ST8SIA4: variants seen among roughly 807,000 people sequenced by gnomAD.
The protein encoded by ST8SIA4 is ST8 alpha-N-acetyl-neuraminide alpha-2,8-sialyltransferase 4.
In ST8SIA4, 15 loss-of-function variants were observed where a neutral mutation model predicts 33.9. The ratio of observed to expected loss-of-function variants is 0.44; its 90% CI spans 0.30 to 0.68. The LOEUF (loss-of-function observed/expected upper bound fraction) is 0.68, where lower values mean the gene tolerates loss of function less well. Ranked by LOEUF, ST8SIA4 falls within the 30% of genes least tolerant of loss-of-function variation. The probability of loss-of-function intolerance (pLI) is 0.10; values close to 1 mark genes in which losing one functional copy is unlikely to be tolerated. For missense variants in ST8SIA4, 321 were observed against 428.0 expected (o/e 0.75, Z 2.21); for synonymous variants, 171 against 151.2 (o/e 1.13, Z -0.96).
chr5:100,840,982 A>G (rs1380651271), intron 4 of ST8SIA4, among the ~76,000 whole-genome samples: 4 of 151,886 alleles, frequency 2.6e-5, no homozygotes, highest in Non-Finnish European at 5.9e-5. Context: ...TGTCACAGTA[A>G]GACATTCAAA....
intron 1 of ST8SIA4, chr5:100,900,448 T>C (rs1230606031): frequency 6.6e-6 from 3 of 455,210 alleles, no homozygotes; most frequent in Admixed American, 4.7e-5. Flanking sequence ...ATGAGTCAAC[T>C]CCTCCACCAG....
At chr5:100,850,490 G>C (rs1455614453) in intron 4 of ST8SIA4, among the ~76,000 whole-genome samples, 1 of 150,378 alleles carries the variant, frequency 6.6e-6, no homozygotes, top group Non-Finnish European at 1.5e-5. Context: ...TACGATAATT[G>C]AGTTAAATAT....
intron 3 of ST8SIA4, among the ~76,000 whole-genome samples, chr5:100,882,971 G>A (rs551044965): frequency 2.6e-4 from 40 of 152,368 alleles, no homozygotes; most frequent in Admixed American, 2.3e-3. Context: ...GAAGGGAAAT[G>A]TGAGGTTGGA....
intron 2 of ST8SIA4, among the ~76,000 whole-genome samples, chr5:100,888,685 GA>G (rs1752593619): frequency 6.6e-6 from 1 of 151,872 alleles, no homozygotes; most frequent in African/African-American, 2.4e-5. Flanking sequence ...TCCATCAAAA[GA>G]GTAATTCTCT....
intron 4 of ST8SIA4, among the ~76,000 whole-genome samples, chr5:100,853,985 A>ATGTGTGTGTGTG (rs55821438): frequency 0.22 from 16,911 of 76,574 alleles, 1,345 homozygotes; most frequent in Non-Finnish European, 0.32. Flanking sequence ...GTGTGTGTGT[A>ATGTGTGTGTGTG]TGTGTGTGTG....
At chr5:100,822,096 C>G (rs997877812) in intron 4 of ST8SIA4, among the ~76,000 whole-genome samples, 2 of 152,158 alleles carry the variant, frequency 1.3e-5, no homozygotes, top group Admixed American at 1.3e-4. Context: ...CAACTTTTAG[C>G]CCTGAAACTT....
At chr5:100,893,942 TA>T (rs1752728907) in intron 2 of ST8SIA4, among the ~76,000 whole-genome samples, 1 of 152,134 alleles carries the variant, frequency 6.6e-6, no homozygotes, top group African/African-American at 2.4e-5. Flanking sequence ...CTTTCCAATA[TA>T]CCTTCAAGAA....
intron 4 of ST8SIA4, among the ~76,000 whole-genome samples, chr5:100,835,225 C>T (rs932689105): frequency 1.3e-5 from 2 of 152,072 alleles, no homozygotes; most frequent in Non-Finnish European, 2.9e-5. Flanking sequence ...TGACACTTCT[C>T]CCTTGAATTA....
At position 100,852,580 on chromosome 5, in the gene ST8SIA4, A is replaced by G. The variant is rs1044502638; in HGVS notation, c.797+3523T>C. 3.9e-5 allele frequency among the ~76,000 whole-genome samples: 6 copies of G among 152,296 alleles called. No homozygotes were observed. The East Asian group carries it at 1.2e-3, about 29-fold the overall frequency. On this transcript the variant is annotated intron_variant, in intron 4 of 4. Coordinates refer to ENST00000231461, the MANE Select transcript of ST8SIA4 (RefSeq NM_005668.6). ...ATTCTCTTAAACTTGCAATTTATAT[A>G]TCTGATTTGTCCCCATTAGATTACT...
At chr5:100,889,347 G>A (rs748907493) in intron 2 of ST8SIA4, among the ~76,000 whole-genome samples, 25 of 151,894 alleles carry the variant, frequency 1.6e-4, no homozygotes, top group Non-Finnish European at 2.5e-4. Flanking sequence ...AGGCTAGATG[G>A]TGTTATCGTT....
chr5:100,822,587 C>G (rs970177925), intron 4 of ST8SIA4, among the ~76,000 whole-genome samples: 1 of 152,094 alleles, frequency 6.6e-6, no homozygotes, highest in Non-Finnish European at 1.5e-5. Flanking sequence ...CTGTAAATTA[C>G]GAATCAATAT....
At chr5:100,885,411 C>G in intron 3 of ST8SIA4, 3 of 947,888 alleles carry the variant, frequency 3.2e-6, no homozygotes, top group Non-Finnish European at 3.8e-6. Context: ...AAGTAGTTAC[C>G]TATTTATGCT....
At chr5:100,888,048 C>T (rs1197865964) in intron 2 of ST8SIA4, among the ~76,000 whole-genome samples, 2 of 151,546 alleles carry the variant, frequency 1.3e-5, no homozygotes, top group Admixed American at 6.6e-5. Flanking sequence ...AGGGTAGCTG[C>T]CATTAAATTG....
At chr5:100,897,840 A>AT (rs569799222) in intron 1 of ST8SIA4, among the ~76,000 whole-genome samples, 16 of 152,300 alleles carry the variant, frequency 1.1e-4, no homozygotes, top group Middle Eastern at 6.8e-3. Flanking sequence ...TACAGGGAGC[A>AT]TTTAGGATGC....
At chr5:100,864,689 C>G (rs1752026582) in intron 3 of ST8SIA4, among the ~76,000 whole-genome samples, 1 of 151,098 alleles carries the variant, frequency 6.6e-6, no homozygotes, top group South Asian at 2.1e-4. Flanking sequence ...CTTATTCCCA[C>G]TGCCAAAGTA....
intron 1 of ST8SIA4, among the ~76,000 whole-genome samples, chr5:100,897,474 C>A (rs1285845609): frequency 6.6e-6 from 1 of 152,004 alleles, no homozygotes; most frequent in African/African-American, 2.4e-5. Flanking sequence ...TTCTTTACAT[C>A]GCCTTTTACT....
chr5:100,840,747 T>G (rs557952259), intron 4 of ST8SIA4, among the ~76,000 whole-genome samples: 1 of 151,530 alleles, frequency 6.6e-6, no homozygotes, highest in East Asian at 1.9e-4. Context: ...CTACATTCTT[T>G]CTTATAACAT....
rs1247828554 is a variant in ST8SIA4 at position 100,903,243 on chromosome 5, G to A, written c.-288C>T. The stretch of plus-strand genomic sequence containing the variant: ...TTTCAGATGAGACACCTTGTGCATT[G>A]GAGGTGGCGGCAGCTTCTGCAGCTG... On this transcript the variant is annotated 5_prime_UTR_variant, in exon 1 of 5. Transcript: ENST00000231461. 2 of 396,832 alleles carry A rather than the reference G, an allele frequency of 5.0e-6. No individual in the cohort carries two copies. The highest frequency in any genetic ancestry group is 9.2e-6 in the Non-Finnish European group (2 of 218,290). 24.6% of individuals were successfully genotyped at this position (396,832 alleles called of 1,614,324 possible).
chr5:100,861,498 T>C (rs1045251893), intron 3 of ST8SIA4, among the ~76,000 whole-genome samples: 1 of 152,104 alleles, frequency 6.6e-6, no homozygotes, highest in Non-Finnish European at 1.5e-5. Context: ...GAATCATCGG[T>C]CAAATTTGCT....
Sources: gnomAD v4.1 joint callset for allele counts (sites outside exome capture counted in the v4.1 genomes callset) on GRCh38, gnomAD v4.1.1 for gene constraint, MANE v1.5 for transcripts, NCBI Gene and HGNC (gene_info 2026-07-23, HGNC 2026-07-21) for gene names.